The following WDPCP variants were observed in gnomAD, a reference collection of about 807,000 sequenced individuals.
WDPCP encodes WD repeat containing planar cell polarity effector.
WDPCP carries 71 observed loss-of-function variants against 93.1 expected under a neutral mutation model. The ratio of observed to expected loss-of-function variants is 0.76; its 90% CI spans 0.63 to 0.93. The LOEUF (loss-of-function observed/expected upper bound fraction) is 0.93, where lower values mean the gene tolerates loss of function less well. Among genes scored for constraint, WDPCP ranks in the 40% least tolerant of loss-of-function variants. WDPCP has a pLI of 0.00. For synonymous variants in WDPCP, 315 were observed against 315.0 expected (o/e 1.00, Z 0.00); for missense variants, 844 against 887.4 (o/e 0.95, Z 0.62).
chr2:63,358,216 G>A (rs560755386), intron 12 of WDPCP, among the ~76,000 whole-genome samples: 2 of 151,646 alleles, frequency 1.3e-5, no homozygotes, highest in East Asian at 3.9e-4. Flanking sequence ...ACCTTCACAT[G>A]TATCTCTGAA....
chr2:63,221,833 C>A (rs181784471), intron 14 of WDPCP, among the ~76,000 whole-genome samples: 2 of 152,186 alleles, frequency 1.3e-5, no homozygotes. Flanking sequence ...GAATTTATGA[C>A]CAGAACTCAA....
intron 13 of WDPCP, among the ~76,000 whole-genome samples, chr2:63,265,657 A>G (rs1051689666): frequency 6.6e-6 from 1 of 152,174 alleles, no homozygotes; most frequent in South Asian, 2.1e-4. Context: ...TTCCAAACTC[A>G]CTGTGAGGCC....
chr2:63,283,155 A>T (rs1389809342), intron 13 of WDPCP, among the ~76,000 whole-genome samples: 5 of 152,234 alleles, frequency 3.3e-5, no homozygotes, highest in Admixed American at 6.5e-5. Flanking sequence ...ACTTTAAAAT[A>T]TAAATGTTTT....
upstream of WDPCP, among the ~76,000 whole-genome samples, chr2:63,832,675 GT>G (rs1671231616): frequency 6.6e-6 from 1 of 152,132 alleles, no homozygotes; most frequent in African/African-American, 2.4e-5. Flanking sequence ...GTACTCTACA[GT>G]TTTTAAATTC....
chr2:63,484,009 A>G (rs1210716400), intron 6 of WDPCP, among the ~76,000 whole-genome samples: 7 of 152,006 alleles, frequency 4.6e-5, no homozygotes, highest in African/African-American at 1.7e-4. Context: ...TGCACTGTCC[A>G]ATATGATAAC....
At chr2:63,312,383 TTTTGA>T (rs1425309124) in intron 13 of WDPCP, among the ~76,000 whole-genome samples, 6 of 152,222 alleles carry the variant, frequency 3.9e-5, no homozygotes, top group Non-Finnish European at 7.3e-5. Flanking sequence ...TTCAAGAGGC[TTTTGA>T]TTTATTGTTT....
At chr2:63,321,917 A>T (rs549611417) in intron 12 of WDPCP, among the ~76,000 whole-genome samples, 12 of 151,976 alleles carry the variant, frequency 7.9e-5, no homozygotes, top group South Asian at 2.1e-4. Context: ...CACTTTACTG[A>T]GGTATTATTG....
At chr2:63,784,601 T>TGA (rs1182961609) in intron 2 of WDPCP, among the ~76,000 whole-genome samples, 1 of 151,832 alleles carries the variant, frequency 6.6e-6, no homozygotes, top group Non-Finnish European at 1.5e-5. Flanking sequence ...TGTGTGTGTG[T>TGA]GAATATGAAA....
At chr2:63,297,649 A>T (rs1684971385) in intron 13 of WDPCP, among the ~76,000 whole-genome samples, 1 of 152,202 alleles carries the variant, frequency 6.6e-6, no homozygotes, top group Admixed American at 6.5e-5. Context: ...AGTTGATTTA[A>T]CCATGTTGTT....
intron 15 of WDPCP, among the ~76,000 whole-genome samples, chr2:63,158,935 G>A (rs544314062): frequency 3.0e-5 from 4 of 131,434 alleles, no homozygotes; most frequent in East Asian, 4.7e-4. Context: ...TCAGGAGTTC[G>A]AGACCAGCCT....
chr2:63,594,581 G>C, intron 3 of WDPCP: 1 of 1,606,544 alleles, frequency 6.2e-7, no homozygotes, highest in Non-Finnish European at 8.5e-7. Context: ...CTTTGGTAAA[G>C]ATCAGGTAGG....
chr2:63,771,269 C>A (rs1252772522), intron 2 of WDPCP, among the ~76,000 whole-genome samples: 5 of 151,688 alleles, frequency 3.3e-5, no homozygotes, highest in Admixed American at 2.0e-4. Context: ...TTATAAACAT[C>A]TTTATGTTAA....
chr2:63,441,734 G>C (rs1042069304), intron 6 of WDPCP: 5 of 151,580 alleles, frequency 3.3e-5, no homozygotes, highest in Non-Finnish European at 7.4e-5. Flanking sequence ...CTTGAATATT[G>C]CCAGTGATCA....
chr2:63,705,070 T>C (rs1023249597), intron 2 of WDPCP, among the ~76,000 whole-genome samples: 4 of 152,358 alleles, frequency 2.6e-5, no homozygotes, highest in African/African-American at 9.6e-5. Context: ...TTCTAGATTT[T>C]CTAGTTCATT....
intron 3 of WDPCP, among the ~76,000 whole-genome samples, chr2:63,629,430 C>T (rs553372489): frequency 7.2e-5 from 11 of 152,288 alleles, no homozygotes; most frequent in South Asian, 4.1e-4. Context: ...AGAAATTTTA[C>T]GGTATCAGTG....
intron 15 of WDPCP, among the ~76,000 whole-genome samples, chr2:63,158,360 T>A (rs933225881): frequency 2.0e-5 from 3 of 152,194 alleles, no homozygotes; most frequent in Non-Finnish European, 2.9e-5. Flanking sequence ...TCTGTTCCCA[T>A]TGTGATCTCT....
chr2:63,547,852 T>C (rs1281292528), intron 1 of WDPCP, among the ~76,000 whole-genome samples: 1 of 151,874 alleles, frequency 6.6e-6, no homozygotes, highest in Non-Finnish European at 1.5e-5. Context: ...TATTAATAGA[T>C]ACAAATGGTG....
exon 2 of WDPCP, chr2:63,813,698 T>C (rs776439034): frequency 1.3e-5 from 2 of 152,196 alleles, no homozygotes; most frequent in Non-Finnish European, 2.9e-5. Flanking sequence ...TCCACAGATG[T>C]CTCAAAAACC....
chr2:63,555,529 C>T (rs1305884966), intron 1 of WDPCP, among the ~76,000 whole-genome samples: 5 of 152,294 alleles, frequency 3.3e-5, no homozygotes, highest in African/African-American at 1.2e-4. Flanking sequence ...GATCCCGTGC[C>T]TCCTGACTAG....
Sources: allele counts gnomAD v4.1 joint callset (sites outside exome capture counted in the v4.1 genomes callset), GRCh38; gene constraint gnomAD v4.1.1; transcripts MANE v1.5; gene names NCBI Gene and HGNC (gene_info 2026-07-23, HGNC 2026-07-21).